TENM3: variants seen among roughly 807,000 people sequenced by gnomAD.
TENM3 encodes teneurin transmembrane protein 3.
Under a neutral mutation model 255.1 loss-of-function variants are expected in TENM3, and 63 were observed. That is an observed-to-expected ratio of 0.25 (90% CI 0.20 to 0.30). The LOEUF is 0.30. TENM3 is among the 10% of genes least tolerant of loss of function. TENM3 has a pLI of 1.00. For missense variants in TENM3, 2,929 were observed against 3,461.1 expected, an observed-to-expected ratio of 0.85 and a Z score of 3.86; for synonymous variants, 1,306 against 1,322.3, an observed-to-expected ratio of 0.99 and a Z score of 0.27.
At chr4:181,977,488 A>AG in the TENM3 span, among the ~76,000 whole-genome samples, 1 of 152,204 alleles carries the variant, frequency 6.6e-6, no homozygotes, top group African/African-American at 2.4e-5. Context: ...TAATCTAATT[A>AG]GGGGAATGGA....
At chr4:182,557,264 G>A (rs755047629) in intron 3 of TENM3, among the ~76,000 whole-genome samples, 18 of 152,124 alleles carry the variant, frequency 1.2e-4, no homozygotes, top group Non-Finnish European at 2.2e-4. Flanking sequence ...AATGGTTAGT[G>A]CATTTGTTAA....
At chr4:182,533,686 C>T (rs572628281) in intron 3 of TENM3, among the ~76,000 whole-genome samples, 1 of 152,096 alleles carries the variant, frequency 6.6e-6, no homozygotes, top group South Asian at 2.1e-4. Flanking sequence ...GAGGCCAAGG[C>T]AGGTGGATCA....
chr4:182,214,292 C>A (rs1184103892), intron 1 of TENM3, among the ~76,000 whole-genome samples: 1 of 151,960 alleles, frequency 6.6e-6, no homozygotes, highest in African/African-American at 2.4e-5. Context: ...TTCAAGAAAG[C>A]GAAATAAATT....
At chr4:181,576,356 A>C in the TENM3 span, among the ~76,000 whole-genome samples, 2 of 152,204 alleles carry the variant, frequency 1.3e-5, no homozygotes, top group Admixed American at 1.3e-4. Context: ...ACTGATGAGC[A>C]CTTAGGTTGA....
the TENM3 span, among the ~76,000 whole-genome samples, chr4:181,465,229 A>T: frequency 6.6e-6 from 1 of 151,752 alleles, no homozygotes; most frequent in Non-Finnish European, 1.5e-5. Flanking sequence ...TTCCATAATC[A>T]TGTTCTTGAG....
intron 1 of TENM3, among the ~76,000 whole-genome samples, chr4:182,191,249 C>G (rs1182846657): frequency 6.6e-6 from 1 of 152,184 alleles, no homozygotes; most frequent in Non-Finnish European, 1.5e-5. Flanking sequence ...ATTCAAAGCT[C>G]TCTTTAATAT....
intron 3 of TENM3, among the ~76,000 whole-genome samples, chr4:182,592,712 CA>C (rs5864794): frequency 0.62 from 93,590 of 151,106 alleles, 30,794 homozygotes; most frequent in Non-Finnish European, 0.74. Flanking sequence ...AAGACTGTGT[CA>C]AAAAAAAAAT....
At chr4:182,346,587 AAAG>A in intron 2 of TENM3, 61 bp from the exon 3 acceptor site, 1 of 1,400,178 alleles carries the variant, frequency 7.1e-7, no homozygotes, top group Non-Finnish European at 9.7e-7. Flanking sequence ...AAAAAAAAAA[AAAG>A]AAAAGAAACT....
chr4:182,679,951 G>A, intron 8 of TENM3, 75 bp downstream of exon 8: 1 of 1,308,568 alleles, frequency 7.6e-7, no homozygotes, highest in South Asian at 1.3e-5. Flanking sequence ...TAAATTATCT[G>A]TACCAATTTG....
the TENM3 span, among the ~76,000 whole-genome samples, chr4:181,872,186 G>T: frequency 3.3e-5 from 5 of 151,184 alleles, no homozygotes; most frequent in Non-Finnish European, 7.4e-5. Context: ...ATCCATGTAG[G>T]CTTGGAATTA....
intron 3 of TENM3, among the ~76,000 whole-genome samples, chr4:182,474,009 C>T (rs1266296200): frequency 6.6e-6 from 1 of 152,068 alleles, no homozygotes; most frequent in East Asian, 1.9e-4. Context: ...AATGTATCTC[C>T]TGATGAGATG....
intron 3 of TENM3, among the ~76,000 whole-genome samples, chr4:182,578,168 G>C (rs1707520159): frequency 6.6e-5 from 10 of 151,952 alleles, no homozygotes; most frequent in Admixed American, 6.6e-4. Context: ...GTAGAGACGG[G>C]GTTTCACCAT....
chr4:181,916,236 T>G, the TENM3 span, among the ~76,000 whole-genome samples: 5 of 152,330 alleles, frequency 3.3e-5, no homozygotes, highest in African/African-American at 1.2e-4. Flanking sequence ...TAGGCTAGAT[T>G]AGTGCCTCTA....
intron 12 of TENM3, among the ~76,000 whole-genome samples, chr4:182,706,950 C>G (rs1758324113): frequency 6.7e-6 from 1 of 149,922 alleles, no homozygotes; most frequent in African/African-American, 2.4e-5. Flanking sequence ...CAGAGTGAGA[C>G]CCTGTATCCA....
At chr4:182,738,638 T>G in intron 18 of TENM3, 94 bp downstream of exon 18, 1 of 1,027,874 alleles carries the variant, frequency 9.7e-7, no homozygotes, top group Non-Finnish European at 1.4e-6. Flanking sequence ...TGTAGCAACA[T>G]TTTATGCTAT....
chr4:181,516,822 C>T, the TENM3 span, among the ~76,000 whole-genome samples: 2 of 151,950 alleles, frequency 1.3e-5, no homozygotes, highest in South Asian at 2.1e-4. Context: ...TTACTATGTG[C>T]CAGGTTGTAT....
At chr4:181,714,816 CA>C in the TENM3 span, among the ~76,000 whole-genome samples, 1 of 151,734 alleles carries the variant, frequency 6.6e-6, no homozygotes, top group Non-Finnish European at 1.5e-5. Context: ...ACCATCTATG[CA>C]AAAAAAGTAG....
chr4:182,619,171 T>C (rs1749843795), intron 4 of TENM3, among the ~76,000 whole-genome samples: 1 of 152,018 alleles, frequency 6.6e-6, no homozygotes, highest in South Asian at 2.1e-4. Flanking sequence ...CTCACACCTG[T>C]AATCGCAACA....
At chr4:182,414,616 T>C (rs1770234732) in intron 3 of TENM3, among the ~76,000 whole-genome samples, 1 of 152,206 alleles carries the variant, frequency 6.6e-6, no homozygotes, top group South Asian at 2.1e-4. Flanking sequence ...GAAGTAAATC[T>C]TTAAAATAGG....
Sources: allele counts gnomAD v4.1 joint callset (sites outside exome capture counted in the v4.1 genomes callset), GRCh38; gene constraint gnomAD v4.1.1; transcripts MANE v1.5; gene names NCBI Gene and HGNC (gene_info 2026-07-23, HGNC 2026-07-21).